Variants in SLC25A13 observed in about 807,000 individuals in gnomAD.
The protein encoded by SLC25A13 is electrogenic aspartate/glutamate antiporter SLC25A13, mitochondrial.
SLC25A13 carries 70 observed loss-of-function variants against 85.5 expected under a neutral mutation model. That is an observed-to-expected ratio of 0.82 (90% CI 0.68 to 1.00). SLC25A13 has a LOEUF of 1.00. Among genes scored for constraint, SLC25A13 ranks in the 50% least tolerant of loss-of-function variants. The pLI is 0.00. For synonymous variants in SLC25A13, 259 were observed against 288.7 expected (o/e 0.90, Z 1.04); for missense variants, 765 against 819.8 (o/e 0.93, Z 0.82).
chr7:96,126,174 T>C (rs1162668075), intron 15 of SLC25A13, among the ~76,000 whole-genome samples: 1 of 152,210 alleles, frequency 6.6e-6, no homozygotes, highest in African/African-American at 2.4e-5. Context: ...GGAGGGTCTA[T>C]GGGCTTTGTG....
At chr7:96,160,424 AT>A (rs555457336) in intron 13 of SLC25A13, among the ~76,000 whole-genome samples, 36 of 152,344 alleles carry the variant, frequency 2.4e-4, no homozygotes, top group South Asian at 1.0e-3. Flanking sequence ...GTAACAAAGT[AT>A]CATAGACTAC....
intron 3 of SLC25A13, among the ~76,000 whole-genome samples, chr7:96,255,562 T>C (rs1023062137): frequency 1.2e-4 from 18 of 152,102 alleles, no homozygotes; most frequent in African/African-American, 3.9e-4. Context: ...TGGTGTGTGC[T>C]TGTGGTCCCA....
intron 5 of SLC25A13, among the ~76,000 whole-genome samples, chr7:96,204,394 G>T (rs1240652800): frequency 6.6e-6 from 1 of 152,084 alleles, no homozygotes; most frequent in East Asian, 1.9e-4. Flanking sequence ...GGCAAAGCAG[G>T]CTGGGCACGG....
intron 3 of SLC25A13, among the ~76,000 whole-genome samples, chr7:96,255,807 A>G (rs1412350242): frequency 8.6e-5 from 13 of 152,010 alleles, no homozygotes; most frequent in Admixed American, 7.9e-4. Context: ...TGCCTACTAA[A>G]AAGAAGGGCT....
intron 4 of SLC25A13, among the ~76,000 whole-genome samples, chr7:96,224,958 T>C (rs1406579247): frequency 2.0e-5 from 3 of 152,092 alleles, no homozygotes; most frequent in African/African-American, 7.2e-5. Flanking sequence ...CTGTGGCCAC[T>C]TACTCAACTT....
At chr7:96,302,906 A>C (rs75988674) in intron 1 of SLC25A13, among the ~76,000 whole-genome samples, 4,619 of 152,312 alleles carry the variant, frequency 0.03, 171 homozygotes, top group African/African-American at 0.089. Context: ...TGATGCAGTT[A>C]AAGTTTAAGA....
chr7:96,197,148 AC>A (rs1795095023), intron 5 of SLC25A13, among the ~76,000 whole-genome samples: 2 of 152,210 alleles, frequency 1.3e-5, no homozygotes, highest in African/African-American at 4.8e-5. Context: ...TGCATGGGGA[AC>A]CTCAGACAAA....
chr7:96,184,581 T>A (rs1281495167), intron 10 of SLC25A13, 146 bp from the exon 11 acceptor site: 69 of 746,932 alleles, frequency 9.2e-5, no homozygotes, highest in Non-Finnish European at 1.4e-4. Context: ...ACCTTTCTTA[T>A]ATCTTTAATA....
chr7:96,317,805 A>T lies in SLC25A13; in HGVS notation c.15+4137T>A, dbSNP rs546746685. ...TTATTTTATTATTTTATTTTACTTT[A>T]TTTTATTTTTTTTTGAGACAGGATC... On this transcript the variant is annotated intron_variant, in intron 1 of 17. Transcript: ENST00000265631. 1.7e-3 allele frequency among the ~76,000 whole-genome samples: 245 copies of T among 144,230 alleles called. 1 individual carries two copies. Among genetic ancestry groups the T allele is most frequent in the Non-Finnish European group, 2.9e-3 (191 of 66,402 alleles). The allele number at this position is 144,230 out of a possible 152,430, so 94.6% of individuals were successfully genotyped here.
At chr7:96,219,851 A>G (rs75077544) in intron 4 of SLC25A13, 7,918 of 435,180 alleles carry the variant, frequency 0.018, 261 homozygotes, top group African/African-American at 0.09. Context: ...CAACAACAAC[A>G]AAATGGCTCA....
At chr7:96,152,266 G>C (rs949835402) in intron 13 of SLC25A13, among the ~76,000 whole-genome samples, 27 of 152,186 alleles carry the variant, frequency 1.8e-4, no homozygotes, top group Non-Finnish European at 4.4e-5. Context: ...CAGCAGGAGA[G>C]CTGGTAAACA....
At chr7:96,231,925 T>G (rs1358663872) in intron 4 of SLC25A13, among the ~76,000 whole-genome samples, 2 of 152,162 alleles carry the variant, frequency 1.3e-5, no homozygotes, top group East Asian at 3.9e-4. Flanking sequence ...TAGCTGGTGC[T>G]AGCAAGGTTG....
intron 2 of SLC25A13, among the ~76,000 whole-genome samples, chr7:96,291,795 C>A (rs1799130063): frequency 6.6e-6 from 1 of 152,038 alleles, no homozygotes. Context: ...AATAGCCTAC[C>A]AACCAAAAAA....
chr7:96,275,847 C>T (rs140031381), intron 3 of SLC25A13, among the ~76,000 whole-genome samples: 3,040 of 152,070 alleles, frequency 0.02, 97 homozygotes, highest in African/African-American at 0.068. Flanking sequence ...GTAACTAACC[C>T]GCACATTGTG....
chr7:96,299,654 G>T (rs1425895313), intron 1 of SLC25A13, among the ~76,000 whole-genome samples: 1 of 152,144 alleles, frequency 6.6e-6, no homozygotes, highest in Non-Finnish European at 1.5e-5. Flanking sequence ...TTGATAACTT[G>T]CATTAGCTGG....
At position 96,179,674 on chromosome 7, in the gene SLC25A13, G is replaced by A. The variant is rs543739147; in HGVS notation, c.1177+4603C>T. ...ATAGCTTAATGCTCTAAATGAAAACGTGCAGAAATTGGCCAAGAAAATAAA... is the reference window on the plus strand; with the variant it reads ...ATAGCTTAATGCTCTAAATGAAAACATGCAGAAATTGGCCAAGAAAATAAA... On this transcript the variant is annotated intron_variant, in intron 11 of 17. Coordinates refer to ENST00000265631, the MANE Select transcript of SLC25A13 (RefSeq NM_014251.3). Among the ~76,000 whole-genome samples, 50 of 152,236 alleles carry A rather than the reference G, an allele frequency of 3.3e-4. 2 individuals are homozygous for A. In the South Asian group the frequency reaches 9.9e-3, roughly 30 times the overall value.
intron 13 of SLC25A13, among the ~76,000 whole-genome samples, chr7:96,155,093 C>T (rs1445851786): frequency 6.6e-6 from 1 of 152,156 alleles, no homozygotes; most frequent in Non-Finnish European, 1.5e-5. Flanking sequence ...AGCCACTGTA[C>T]CAGGCCCAGC....
chr7:96,318,950 T>G, intron 1 of SLC25A13, among the ~76,000 whole-genome samples: 1 of 152,144 alleles, frequency 6.6e-6, no homozygotes, highest in East Asian at 1.9e-4. Flanking sequence ...CCTACCCCTA[T>G]GGCTCTGTGT....
chr7:96,168,470 C>T (rs544964277), intron 13 of SLC25A13, among the ~76,000 whole-genome samples: 5 of 152,264 alleles, frequency 3.3e-5, no homozygotes, highest in African/African-American at 9.6e-5. Context: ...ACTTCTGATG[C>T]CAATGTGCTT....
Sources: allele counts gnomAD v4.1 joint callset (sites outside exome capture counted in the v4.1 genomes callset), GRCh38; gene constraint gnomAD v4.1.1; transcripts MANE v1.5; gene names NCBI Gene and HGNC (gene_info 2026-07-23, HGNC 2026-07-21).